CLDN10: variants seen among roughly 807,000 people sequenced by gnomAD.
CLDN10 encodes the protein claudin 10, also known as claudin-10.
CLDN10 carries 15 observed loss-of-function variants against 22.9 expected under a neutral mutation model. That is an observed-to-expected ratio of 0.65 (90% CI 0.44 to 1.01). The LOEUF (loss-of-function observed/expected upper bound fraction) is 1.01, where lower values mean the gene tolerates loss of function less well. CLDN10 is among the 50% of genes least tolerant of loss of function. The pLI, the probability that CLDN10 is intolerant of heterozygous loss-of-function variation, is 0.00. For synonymous variants in CLDN10, 114 were observed against 111.4 expected (o/e 1.02, Z -0.15); for missense variants, 247 against 287.8 (o/e 0.86, Z 1.03).
chr13:95,475,873 G>A (rs72632664), intron 1 of CLDN10, among the ~76,000 whole-genome samples: 14,114 of 151,358 alleles, frequency 0.093, 861 homozygotes, highest in East Asian at 0.23. Flanking sequence ...TCTCCCTGTC[G>A]GGACTTGAGC....
intron 1 of CLDN10, among the ~76,000 whole-genome samples, chr13:95,539,469 A>G (rs1463686539): frequency 6.6e-6 from 1 of 152,040 alleles, no homozygotes; most frequent in African/African-American, 2.4e-5. Context: ...TGCTATATTC[A>G]TTGGAGTAAC....
intron 1 of CLDN10, among the ~76,000 whole-genome samples, chr13:95,539,728 A>C (rs2043439490): frequency 6.6e-6 from 1 of 152,134 alleles, no homozygotes; most frequent in Non-Finnish European, 1.5e-5. Flanking sequence ...TTTTAGAAAA[A>C]CTGTGGAATG....
chr13:95,528,230 C>G (rs908744579), intron 1 of CLDN10, among the ~76,000 whole-genome samples: 7 of 152,200 alleles, frequency 4.6e-5, no homozygotes, highest in African/African-American at 1.7e-4. Context: ...GGGGTGGCTT[C>G]CCCTATACTG....
intron 1 of CLDN10, among the ~76,000 whole-genome samples, chr13:95,460,687 G>A (rs2042527889): frequency 6.6e-6 from 1 of 152,106 alleles, no homozygotes; most frequent in African/African-American, 2.4e-5. Context: ...ATTGGGTGAG[G>A]ACACAGCCAA....
At chr13:95,476,169 T>C (rs899980130) in intron 1 of CLDN10, among the ~76,000 whole-genome samples, 4 of 152,186 alleles carry the variant, frequency 2.6e-5, no homozygotes, top group Admixed American at 2.6e-4. Flanking sequence ...AGGATAGAGA[T>C]GGATTGTCGG....
intron 1 of CLDN10, among the ~76,000 whole-genome samples, chr13:95,455,087 G>A (rs1594530103): frequency 6.6e-6 from 1 of 151,930 alleles, no homozygotes; most frequent in Admixed American, 6.6e-5. Context: ...TGAGGTGGGA[G>A]GACTGCTTAA....
At chr13:95,487,767 C>A (rs978759918) in intron 1 of CLDN10, among the ~76,000 whole-genome samples, 1 of 151,822 alleles carries the variant, frequency 6.6e-6, no homozygotes, top group African/African-American at 2.4e-5. Context: ...CTTGACCTCC[C>A]AGATTCAAAT....
At chr13:95,450,049 T>C (rs900791058) in intron 1 of CLDN10, among the ~76,000 whole-genome samples, 13 of 152,094 alleles carry the variant, frequency 8.5e-5, no homozygotes, top group African/African-American at 2.9e-4. Flanking sequence ...GCCTTAAAAT[T>C]TTTTTGTAGA....
At chr13:95,439,585 C>T (rs2042305580) in intron 1 of CLDN10, among the ~76,000 whole-genome samples, 1 of 152,110 alleles carries the variant, frequency 6.6e-6, no homozygotes, top group African/African-American at 2.4e-5. Context: ...CTGCCTGCCT[C>T]AGCCTCCCAA....
intron 1 of CLDN10, among the ~76,000 whole-genome samples, chr13:95,474,414 C>G (rs1314064926): frequency 6.6e-6 from 1 of 152,214 alleles, no homozygotes; most frequent in Non-Finnish European, 1.5e-5. Context: ...TCACCTCCTG[C>G]TGTACGGCCT....
chr13:95,563,766 C>A (rs2043748893), intron 3 of CLDN10, among the ~76,000 whole-genome samples: 1 of 152,148 alleles, frequency 6.6e-6, no homozygotes, highest in Non-Finnish European at 1.5e-5. Flanking sequence ...AGAACTCAGA[C>A]CTCATTTAAA....
rs113320843 is a variant in CLDN10 at position 95,572,363 on chromosome 13, A to C, written c.465-4868A>C. On this transcript the variant is annotated intron_variant, in intron 3 of 4. Transcript: ENST00000299339. ...TGACAATTAAGAGCTTCGGTTTGCA[A>C]TCACAGTTATGGGTTTTAAATCCTG... Among the ~76,000 whole-genome samples the C allele has an allele frequency of 1.2e-4, 19 of 152,320 alleles. 1 individual carries two copies. Among genetic ancestry groups the C allele is most frequent in the African/African-American group, 4.6e-4 (19 of 41,568 alleles).
chr13:95,519,632 C>G (rs146982544), intron 1 of CLDN10, among the ~76,000 whole-genome samples: 2 of 152,354 alleles, frequency 1.3e-5, no homozygotes, highest in African/African-American at 4.8e-5. Context: ...GTGGCAGACA[C>G]AAATTTCTAA....
At chr13:95,528,470 C>T (rs2043308007) in intron 1 of CLDN10, 1 of 152,254 alleles carries the variant, frequency 6.6e-6, no homozygotes, top group Non-Finnish European at 1.5e-5. Context: ...TGAAAACGGA[C>T]TAATGCATAA....
At chr13:95,550,704 T>C (rs2043554068), upstream of CLDN10, among the ~76,000 whole-genome samples, 1 of 150,366 alleles carries the variant, frequency 6.7e-6, no homozygotes. Context: ...AAACAGATGA[T>C]AAAACACTTT....
At chr13:95,545,848 C>T (rs983494814) in intron 1 of CLDN10, among the ~76,000 whole-genome samples, 2 of 152,158 alleles carry the variant, frequency 1.3e-5, no homozygotes, top group Non-Finnish European at 2.9e-5. Flanking sequence ...ACTGGCAGAA[C>T]GTTCCCATTC....
At chr13:95,533,307 GTAGGTGT>G (rs1190380276) in intron 1 of CLDN10, among the ~76,000 whole-genome samples, 5 of 151,912 alleles carry the variant, frequency 3.3e-5, no homozygotes, top group African/African-American at 4.8e-5. Context: ...ATGGTAGAAT[GTAGGTGT>G]TGGGTATGAT....
chr13:95,486,118 C>G (rs993754827), intron 1 of CLDN10, among the ~76,000 whole-genome samples: 2 of 152,162 alleles, frequency 1.3e-5, no homozygotes, highest in Non-Finnish European at 2.9e-5. Context: ...GCTTCCTGAG[C>G]CTTGCAGAAT....
upstream of CLDN10, chr13:95,552,661 G>C: frequency 2.8e-6 from 4 of 1,407,038 alleles, no homozygotes; most frequent in Non-Finnish European, 2.8e-6. Flanking sequence ...GGTGGGCGGA[G>C]GCGGAGGCGG....
Sources: gnomAD v4.1 joint callset for allele counts (sites outside exome capture counted in the v4.1 genomes callset) on GRCh38, gnomAD v4.1.1 for gene constraint, MANE v1.5 for transcripts, NCBI Gene and HGNC (gene_info 2026-07-23, HGNC 2026-07-21) for gene names.